Variants in PRKD1 observed in about 807,000 individuals in gnomAD.
PRKD1 encodes serine/threonine-protein kinase D1.
PRKD1 carries 63 observed loss-of-function variants against 95.9 expected under a neutral mutation model. That is an observed-to-expected ratio of 0.66 (90% CI 0.54 to 0.81). The LOEUF (loss-of-function observed/expected upper bound fraction) is 0.81. Among genes scored for constraint, PRKD1 ranks in the 30% least tolerant of loss-of-function variants. The pLI is 0.00. For missense variants in PRKD1, 1,048 were observed against 1,165.3 expected, an observed-to-expected ratio of 0.90 and a Z score of 1.47; for synonymous variants, 425 against 423.1, an observed-to-expected ratio of 1.00 and a Z score of -0.05.
At chr14:29,776,310 G>A (rs1351108988) in intron 1 of PRKD1, among the ~76,000 whole-genome samples, 1 of 152,208 alleles carries the variant, frequency 6.6e-6, no homozygotes, top group Non-Finnish European at 1.5e-5. Flanking sequence ...ACTTTGATGA[G>A]TTGAGAGAAG....
At chr14:29,761,301 G>T (rs1887968950) in intron 1 of PRKD1, among the ~76,000 whole-genome samples, 1 of 152,314 alleles carries the variant, frequency 6.6e-6, no homozygotes, top group South Asian at 2.1e-4. Flanking sequence ...AGCATTGTAA[G>T]AACAAGCATG....
At chr14:29,685,551 C>G (rs1177489330) in intron 2 of PRKD1, among the ~76,000 whole-genome samples, 1 of 152,086 alleles carries the variant, frequency 6.6e-6, no homozygotes, top group Non-Finnish European at 1.5e-5. Flanking sequence ...ATTCTTTGAA[C>G]TGAACAAAAA....
chr14:29,871,001 A>G (rs747036879), intron 1 of PRKD1, among the ~76,000 whole-genome samples: 6 of 152,234 alleles, frequency 3.9e-5, no homozygotes, highest in Non-Finnish European at 8.8e-5. Context: ...TATTTCACAA[A>G]CACTTAGAGG....
intron 1 of PRKD1, among the ~76,000 whole-genome samples, chr14:29,769,936 T>A (rs1812215451): frequency 6.6e-6 from 1 of 152,158 alleles, no homozygotes; most frequent in Admixed American, 6.5e-5. Context: ...TAATCCTCAA[T>A]CTCCAATAGT....
intron 1 of PRKD1, among the ~76,000 whole-genome samples, chr14:29,828,926 C>A (rs1405253215): frequency 7.9e-5 from 12 of 152,322 alleles, no homozygotes; most frequent in African/African-American, 2.9e-4. Flanking sequence ...AATTTCCTAG[C>A]TAGTCCTTAA....
chr14:29,725,526 A>T lies in PRKD1; in HGVS notation c.403+10T>A. 6.2e-7 allele frequency: 1 copy of T among 1,611,162 alleles called. No homozygotes were observed. The highest frequency in any genetic ancestry group is 1.1e-5 in the South Asian group (1 of 90,572). On this transcript the variant is annotated intron_variant, in intron 2 of 17. Transcript: ENST00000331968. ...TCTACGGATAAAGAAAAGGTATAAA[A>T]GTATACTACCTGACAAGACCACTTC... is the stretch of plus-strand genomic sequence containing the variant.
intron 13 of PRKD1, among the ~76,000 whole-genome samples, chr14:29,618,266 T>TG (rs1879004024): frequency 6.6e-6 from 1 of 151,736 alleles, no homozygotes; most frequent in South Asian, 2.1e-4. Flanking sequence ...TCATTTTTTT[T>TG]TTTTTGAGAT....
At chr14:29,827,696 C>T (rs972827627) in intron 1 of PRKD1, among the ~76,000 whole-genome samples, 3 of 152,118 alleles carry the variant, frequency 2.0e-5, no homozygotes, top group African/African-American at 7.2e-5. Flanking sequence ...ACAGCCTAAC[C>T]ATAAGAAAAG....
intron 1 of PRKD1, among the ~76,000 whole-genome samples, chr14:29,737,714 T>TG (rs1886795526): frequency 6.6e-6 from 1 of 152,200 alleles, no homozygotes; most frequent in South Asian, 2.1e-4. Context: ...TTAGCTCCCT[T>TG]GGTGGAGTGG....
intron 2 of PRKD1, among the ~76,000 whole-genome samples, chr14:29,695,310 A>G (rs34884196): frequency 0.44 from 66,261 of 151,446 alleles, 15,127 homozygotes; most frequent in African/African-American, 0.56. Context: ...ACATTTGAAC[A>G]AAAGAGTGAT....
intron 4 of PRKD1, among the ~76,000 whole-genome samples, chr14:29,641,705 T>G (rs544506968): frequency 6.6e-6 from 1 of 152,178 alleles, no homozygotes; most frequent in East Asian, 1.9e-4. Flanking sequence ...CTTATAGGGT[T>G]TTTATCCTTC....
chr14:29,846,910 A>C (rs894549886), intron 1 of PRKD1, among the ~76,000 whole-genome samples: 10 of 152,300 alleles, frequency 6.6e-5, no homozygotes, highest in African/African-American at 2.4e-4. Flanking sequence ...CACCTGTGTT[A>C]AAGTGACCTC....
Position 29,578,305 on chromosome 14 carries a change from C to T in PRKD1, c.2490G>A (p.Val830=), listed in dbSNP as rs1566462311. The T allele has an allele frequency of 6.2e-7, 1 of 1,609,920 alleles. No homozygotes were observed. Among genetic ancestry groups the T allele is most frequent in the Non-Finnish European group, 8.5e-7 (1 of 1,178,614 alleles). The change falls in exon 17 of 18, where the codon GTG becomes GTA. Residue 830 remains valine, a synonymous_variant. Coordinates refer to ENST00000331968, the MANE Select transcript of PRKD1 (RefSeq NM_002742.3). ...GCCAAGGGTGGCTCAAGGTCTTATC[C>T]ACACTGTAGCGCTTTCTCATTTTTA... ...LQVKMRKRYS[V]DKTLSHPWLQ...
chr14:29,899,840 T>C (rs1894260875), intron 1 of PRKD1, among the ~76,000 whole-genome samples: 1 of 152,148 alleles, frequency 6.6e-6, no homozygotes, highest in African/African-American at 2.4e-5. Context: ...GTAATCCGAA[T>C]TGTAATCCCC....
At chr14:29,593,121 G>A (rs879709130) in intron 16 of PRKD1, among the ~76,000 whole-genome samples, 12 of 152,006 alleles carry the variant, frequency 7.9e-5, no homozygotes, top group Admixed American at 7.2e-4. Flanking sequence ...ATACTCAAAG[G>A]CTGGGTGATT....
intron 1 of PRKD1, 83 bp from the exon 2 acceptor site, chr14:29,725,757 A>C: frequency 7.0e-7 from 1 of 1,435,482 alleles, no homozygotes; most frequent in Non-Finnish European, 9.5e-7. Context: ...CACAAATACA[A>C]GCTAATTAGA....
intron 1 of PRKD1, among the ~76,000 whole-genome samples, chr14:29,901,871 A>G (rs1894330461): frequency 6.6e-6 from 1 of 152,226 alleles, no homozygotes; most frequent in African/African-American, 2.4e-5. Flanking sequence ...ATTAAGATGC[A>G]GAAACTTCAT....
At chr14:29,788,235 T>C (rs576489673) in intron 1 of PRKD1, among the ~76,000 whole-genome samples, 1 of 152,210 alleles carries the variant, frequency 6.6e-6, no homozygotes, top group Non-Finnish European at 1.5e-5. Context: ...ACTTTGAGTA[T>C]AGTATCTCAT....
At chr14:29,896,863 A>C (rs551316457) in intron 1 of PRKD1, among the ~76,000 whole-genome samples, 1 of 152,230 alleles carries the variant, frequency 6.6e-6, no homozygotes, top group African/African-American at 2.4e-5. Flanking sequence ...AGGTGGGTAG[A>C]AAGGATATGG....
Sources: allele counts gnomAD v4.1 joint callset (sites outside exome capture counted in the v4.1 genomes callset), GRCh38; gene constraint gnomAD v4.1.1; transcripts MANE v1.5; gene names NCBI Gene and HGNC (gene_info 2026-07-23, HGNC 2026-07-21).